The following AGRN variants were observed in gnomAD, a reference collection of about 807,000 sequenced individuals.
AGRN encodes the protein agrin proteoglycan.
Under a neutral mutation model 211.0 loss-of-function variants are expected in AGRN, and 106 were observed. The observed-to-expected ratio is 0.50, with a 90% CI of 0.43 to 0.59. The LOEUF is 0.59. Among genes scored for constraint, AGRN ranks in the 20% least tolerant of loss-of-function variants. The pLI is 0.00. For synonymous variants in AGRN, 1,525 were observed against 1,332.5 expected (o/e 1.14, Z -3.15); for missense variants, 3,040 against 2,982.6 (o/e 1.02, Z -0.45).
In AGRN at chr1:1,055,156, G is replaced by A; in HGVS notation, c.*175G>A. Reference sequence around the variant, plus strand: ...TAGTGCCGAGGGATGGACAGGCGAGGTGGCAGCGTGGAGGGCTCGGCGTGG... The same window carrying A: ...TAGTGCCGAGGGATGGACAGGCGAGATGGCAGCGTGGAGGGCTCGGCGTGG... On this transcript the variant is annotated 3_prime_UTR_variant, in exon 36 of 36. Coordinates refer to ENST00000379370, the MANE Select transcript of AGRN (RefSeq NM_198576.4). 2.8e-6 allele frequency: 3 copies of A among 1,061,220 alleles called. No individual in the cohort carries two copies. In the South Asian group the frequency reaches 4.4e-5, roughly 16 times the overall value. The allele number at this position is 1,061,220 out of a possible 1,614,324, so 65.7% of individuals were successfully genotyped here.
At chr1:1,035,902 G>C (rs542635853) in intron 3 of AGRN, among the ~76,000 whole-genome samples, 26 of 152,244 alleles carry the variant, frequency 1.7e-4, no homozygotes, top group East Asian at 5.8e-4. Flanking sequence ...GGTGGGGCCT[G>C]TCCTCCCCGG....
chr1:1,039,589 G>A (rs1278807924), intron 3 of AGRN, among the ~76,000 whole-genome samples: 2 of 152,212 alleles, frequency 1.3e-5, no homozygotes, highest in Non-Finnish European at 2.9e-5. Flanking sequence ...TGGGGGTGGG[G>A]GTGCTCAGGA....
rs1490775064 is a variant in AGRN, at chr1:1,031,100, T to C, written c.464-4177T>C. Reference sequence around the variant, plus strand: ...CTGTGAGTGTGATTGTGTGTGTGTGTGTGCGGTGCATGGTGCTGTGTGAGA... The same window carrying C: ...CTGTGAGTGTGATTGTGTGTGTGTGCGTGCGGTGCATGGTGCTGTGTGAGA... On this transcript the variant is annotated intron_variant, in intron 2 of 35. Coordinates refer to ENST00000379370, the MANE Select transcript of AGRN (RefSeq NM_198576.4). This position sits in a 1 kb window ranked among gnomAD's most constrained non-coding sequence, Gnocchi z 4.8. Among the ~76,000 whole-genome samples the C allele has an allele frequency of 2.3e-5, 3 of 131,970 alleles. No individual in the cohort carries two copies. The highest frequency in any genetic ancestry group is 1.6e-4 in the Admixed American group (2 of 12,848). 86.6% of individuals were successfully genotyped at this position (131,970 alleles called of 152,430 possible).
intron 2 of AGRN, 110 bp from the exon 3 acceptor site, chr1:1,035,167 G>C: frequency 8.6e-7 from 1 of 1,164,280 alleles, no homozygotes; most frequent in Non-Finnish European, 1.2e-6. Context: ...TGGGGCTAGC[G>C]GTGGGGGGGG....
intron 1 of AGRN, among the ~76,000 whole-genome samples, chr1:1,021,325 T>TC (rs1423702323): frequency 1.3e-5 from 2 of 152,092 alleles, no homozygotes; most frequent in Non-Finnish European, 2.9e-5. Context: ...CACCAGGCCC[T>TC]CCCCCTGCCT....
At position 1,020,340 on chromosome 1, in the gene AGRN, C is replaced by A; in HGVS notation, c.168C>A (p.Asn56Lys). 1 of 1,494,410 alleles carries A rather than the reference C, an allele frequency of 6.7e-7. No homozygotes were observed. Among genetic ancestry groups the A allele is most frequent in the Non-Finnish European group, 8.9e-7 (1 of 1,120,548 alleles). 92.6% of individuals were successfully genotyped at this position (1,494,410 alleles called of 1,614,324 possible). The change falls in exon 1 of 36, where the codon AAC (asparagine) becomes AAA (lysine). Residue 56 changes from asparagine to lysine, a missense_variant. Asn to Lys is a moderately conservative substitution (Grantham distance 94). Transcript: ENST00000379370. Reference protein sequence around the residue: ...VLTGTVEEILNVDPVQHTYSC... With the variant: ...VLTGTVEEILKVDPVQHTYSC... ...CCGGGACGGTGGAGGAGATCCTCAA[C>A]GTGGACCCGGTGCAGCACACGTACT...
intron 10 of AGRN, 21 bp from the exon 11 acceptor site, chr1:1,044,088 C>G: frequency 6.2e-7 from 1 of 1,613,122 alleles, no homozygotes; most frequent in Non-Finnish European, 8.5e-7. Flanking sequence ...CCCTGGGTGA[C>G]TCTGCTCCCC....
rs771576402 is a variant in AGRN, at chr1:1,050,542, C to G, written c.5092C>G (p.Arg1698Gly). The G allele has an allele frequency of 5.0e-6, 8 of 1,612,644 alleles. No individual in the cohort carries two copies. The highest frequency in any genetic ancestry group is 1.7e-5 in the Admixed American group (1 of 60,000). ...GDFVSLALRD[R>G]RLEFRYDLGK... is the part of the protein sequence containing the mutation. ...CTTCGTGTCGCTGGCACTGCGGGAC[C>G]GCCGCCTGGAGTTCCGCTACGACCT... The change falls in exon 29 of 36, where the codon CGC becomes GGC. Residue 1698 changes from arginine to glycine, a missense_variant. Arg to Gly is a moderately radical substitution (Grantham distance 125). Transcript: ENST00000379370.
At chr1:1,046,316 GC>G (rs1378055205) in intron 17 of AGRN, 51 bp downstream of exon 17, 1 of 1,610,940 alleles carries the variant, frequency 6.2e-7, no homozygotes, top group Non-Finnish European at 8.5e-7. Context: ...GCCTGACGCT[GC>G]CCTAAATCCA....
chr1:1,050,381 T>G, intron 28 of AGRN, 46 bp from the exon 29 acceptor site: 1 of 1,612,644 alleles, frequency 6.2e-7, no homozygotes, highest in Non-Finnish European at 8.5e-7. Context: ...CCGTCTCTCC[T>G]GTGGGGAGGG....
rs1296742634 is a variant in AGRN at position 1,041,370 on chromosome 1, G to A, written c.925G>A (p.Val309Ile). Residue 309 changes from valine (V) to isoleucine (I), a missense_variant, in exon 5 of 36, where the codon GTC becomes ATC. Around this residue, in one of 3 missense-constraint regions of AGRN, gnomAD observed 1,498 missense variants for 1,457.8 expected, o/e 1.03. Transcript: ENST00000379370. ...CCGCGCCTGCGCCCGCCAGGAGAAT[G>A]TCTTCAAGAAGTTCGACGGCCCTTG... ...LRRACARQEN[V>I]FKKFDGPCDP... is the part of the protein sequence containing the mutation. The A allele has an allele frequency of 1.3e-6, 2 of 1,540,558 alleles. No homozygotes were observed. The highest frequency in any genetic ancestry group is 8.7e-7 in the Non-Finnish European group (1 of 1,150,290).
At chr1:1,021,585 G>A (rs115514722) in intron 1 of AGRN, among the ~76,000 whole-genome samples, 1,822 of 152,366 alleles carry the variant, frequency 0.012, 27 homozygotes, top group African/African-American at 0.042. Flanking sequence ...CGTGAGGGCC[G>A]CCAGGTCGGC....
Position 1,041,155 on chromosome 1 carries a change from G to A in AGRN, c.728-18G>A. The A allele has an allele frequency of 7.3e-7, 1 of 1,374,058 alleles. No individual in the cohort carries two copies. The allele number at this position is 1,374,058 out of a possible 1,614,324, so 85.1% of individuals were successfully genotyped here. On this transcript the variant is annotated intron_variant, in intron 4 of 35. Transcript: ENST00000379370. ...GGGGCGGGGGCGGCCCGTCTGACCG[G>A]CAAAGCCCCGCCCGCAGGCTCGCGG...
In AGRN at chr1:1,049,763, G is replaced by A. The variant is rs553909476; in HGVS notation, c.4712G>A (p.Arg1571Lys). The A allele has an allele frequency of 1.2e-5, 19 of 1,585,936 alleles. No individual in the cohort carries two copies. In the South Asian group the frequency reaches 1.9e-4, roughly 16 times the overall value. ...GAPCQNLEAG[R>K]FHCQCPPGRV... The stretch of plus-strand genomic sequence containing the variant: ...CCATGCCAGAACCTGGAGGCTGGAA[G>A]GTTCCATTGCCAGTGCCCGCCCGGC... Residue 1571 changes from arginine (R) to lysine (K), a missense_variant, in exon 26 of 36, where the codon AGG becomes AAG. By Grantham distance (26) the Arg-to-Lys change is conservative. This residue lies in a region of AGRN where 1,537 missense variants were observed against 1,505.0 expected (regional missense o/e 1.02). Coordinates refer to ENST00000379370, the MANE Select transcript of AGRN (RefSeq NM_198576.4).
In AGRN at chr1:1,051,577, G is replaced by A. The variant is rs1198530495; in HGVS notation, c.5495G>A (p.Cys1832Tyr). 1.3e-6 allele frequency: 2 copies of A among 1,597,378 alleles called. No individual in the cohort carries two copies. Among genetic ancestry groups the A allele is most frequent in the Non-Finnish European group, 1.7e-6 (2 of 1,170,902 alleles). Reference protein sequence around the residue: ...SGHPCLNGASCVPREAAYVCL... With the variant: ...SGHPCLNGASYVPREAAYVCL... The stretch of plus-strand genomic sequence containing the variant: ...CACCCCTGCCTCAATGGGGCCTCCT[G>A]CGTCCCGAGGGAGGCTGCCTATGTG... Residue 1832 changes from cysteine to tyrosine, a missense_variant, in exon 32 of 36, where the codon TGC becomes TAC. Physicochemically the swap from Cys to Tyr is radical, Grantham distance 194. Around this residue, in one of 3 missense-constraint regions of AGRN, gnomAD observed 1,537 missense variants for 1,505.0 expected, o/e 1.02. Coordinates refer to ENST00000379370, the MANE Select transcript of AGRN (RefSeq NM_198576.4).
At chr1:1,043,117 C>T (rs766864606) in intron 7 of AGRN, 122 bp from the exon 8 acceptor site, 18 of 1,125,750 alleles carry the variant, frequency 1.6e-5, no homozygotes, top group Non-Finnish European at 2.2e-5. Context: ...TGGCCCTTCT[C>T]CTGTGTTCTC....
chr1:1,036,400 G>A (rs1644806157), intron 3 of AGRN, among the ~76,000 whole-genome samples: 1 of 152,116 alleles, frequency 6.6e-6, no homozygotes, highest in Non-Finnish European at 1.5e-5. Flanking sequence ...AGGCACCTGG[G>A]AACCGGAGCT....
chr1:1,055,138 G>A lies in AGRN; in HGVS notation c.*157G>A, dbSNP rs1645420569. 2 of 1,190,202 alleles carry A rather than the reference G, an allele frequency of 1.7e-6. No homozygotes were observed. The highest frequency in any genetic ancestry group is 2.4e-6 in the Non-Finnish European group (2 of 842,706). The allele number at this position is 1,190,202 out of a possible 1,614,324, so 73.7% of individuals were successfully genotyped here. Reference sequence around the variant, plus strand: ...CCGTGCTGCAGACAGACCTAGTGCCGAGGGATGGACAGGCGAGGTGGCAGC... The same window carrying A: ...CCGTGCTGCAGACAGACCTAGTGCCAAGGGATGGACAGGCGAGGTGGCAGC... On this transcript the variant is annotated 3_prime_UTR_variant, in exon 36 of 36. Transcript: ENST00000379370.
intron 7 of AGRN, among the ~76,000 whole-genome samples, chr1:1,042,432 A>G (rs1644970382): frequency 6.6e-6 from 1 of 152,118 alleles, no homozygotes; most frequent in Non-Finnish European, 1.5e-5. Flanking sequence ...GCCTGTCCGC[A>G]TGTCTCCACG....
Sources: gnomAD v4.1 joint callset for allele counts (sites outside exome capture counted in the v4.1 genomes callset) on GRCh38, gnomAD v4.1.1 for gene constraint, gnomAD v4.1.1 regional missense constraint, Gnocchi (gnomAD v3.1) non-coding constraint, MANE v1.5 for transcripts, NCBI Gene and HGNC (gene_info 2026-07-23, HGNC 2026-07-21) for gene names.